Variants in SPEN observed in about 807,000 individuals in gnomAD.
SPEN encodes spen family transcriptional repressor.
A neutral mutation model predicts 269.9 loss-of-function variants in SPEN; 18 were observed. The ratio of observed to expected loss-of-function variants is 0.07; its 90% CI spans 0.05 to 0.10. The LOEUF (loss-of-function observed/expected upper bound fraction) is 0.10, where lower values mean the gene tolerates loss of function less well. Among genes scored for constraint, SPEN ranks in the 10% least tolerant of loss-of-function variants. The pLI, the probability that SPEN is intolerant of heterozygous loss-of-function variation, is 1.00. For synonymous variants in SPEN, 1,726 were observed against 1,765.7 expected (o/e 0.98, Z 0.56); for missense variants, 3,822 against 4,631.2 (o/e 0.83, Z 5.07).
chr1:15,903,665 TTGTTTA>T (rs1458196709), intron 3 of SPEN, among the ~76,000 whole-genome samples: 2 of 151,992 alleles, frequency 1.3e-5, no homozygotes, highest in African/African-American at 4.8e-5. Flanking sequence ...CAAATTGTTG[TTGTTTA>T]TGAAAAGACT....
chr1:15,870,477 T>C (rs2070562101), intron 1 of SPEN, among the ~76,000 whole-genome samples: 1 of 152,140 alleles, frequency 6.6e-6, no homozygotes. Context: ...ATAAAACGAC[T>C]CAGATGTGAT....
rs1279383940 is a variant in SPEN, at chr1:15,932,441, G to A, written c.6201G>A (p.Pro2067=). Reference sequence around the variant, plus strand: ...CTGTTGAAGTTGTAGAGAAAAAACCGGCCCCTGAAAAAAACTCCAAATCAA... The same window carrying A: ...CTGTTGAAGTTGTAGAGAAAAAACCAGCCCCTGAAAAAAACTCCAAATCAA... ...TAPVEVVEKK[P]APEKNSKSKR... Residue 2067 remains proline, a synonymous_variant, in exon 11 of 15, where the codon CCG becomes CCA. Coordinates refer to ENST00000375759, the MANE Select transcript of SPEN (RefSeq NM_015001.3). This position sits in a 1 kb window ranked among gnomAD's most constrained non-coding sequence, Gnocchi z 4.2. 8.1e-6 allele frequency: 13 copies of A among 1,613,030 alleles called. No individual in the cohort carries two copies. Among genetic ancestry groups the A allele is most frequent in the Admixed American group, 1.7e-5 (1 of 59,776 alleles).
chr1:15,911,836 C>G (rs1188315828), intron 5 of SPEN, among the ~76,000 whole-genome samples: 4 of 152,196 alleles, frequency 2.6e-5, no homozygotes, highest in Admixed American at 1.3e-4. Flanking sequence ...TGGCGCACGC[C>G]TGTAATCCCA....
rs1484538304 is a variant in SPEN at position 15,848,332 on chromosome 1, G to A, written c.83+182G>A. Among the ~76,000 whole-genome samples the A allele has an allele frequency of 1.3e-5, 2 of 151,136 alleles. No homozygotes were observed. The highest frequency in any genetic ancestry group is 3.0e-5 in the Non-Finnish European group (2 of 67,660). Reference sequence around the variant, plus strand: ...GCGGCGTTGGGCCTCGGGTGTCGGCGGTGCGGGCGGCCAAGCCGCGCCGCC... The same window carrying A: ...GCGGCGTTGGGCCTCGGGTGTCGGCAGTGCGGGCGGCCAAGCCGCGCCGCC... On this transcript the variant is annotated intron_variant, in intron 1 of 14. Transcript: ENST00000375759. This position sits in a 1 kb window ranked among gnomAD's most constrained non-coding sequence, Gnocchi z 5.1.
intron 3 of SPEN, among the ~76,000 whole-genome samples, chr1:15,881,683 A>C (rs2070688728): frequency 1.3e-5 from 2 of 152,272 alleles, no homozygotes; most frequent in African/African-American, 2.4e-5. Flanking sequence ...GCAAGTGTAC[A>C]GAAATAATCC....
rs1428549386 is a variant in SPEN, at chr1:15,939,595, A to G, written c.*168A>G. Reference sequence around the variant, plus strand: ...CGGCTCAGTCGGCCAGACTTCCTCTAGGAGTGGTGCTGCTACCTTGTATGT... The same window carrying G: ...CGGCTCAGTCGGCCAGACTTCCTCTGGGAGTGGTGCTGCTACCTTGTATGT... On this transcript the variant is annotated 3_prime_UTR_variant, in exon 15 of 15. Coordinates refer to ENST00000375759, the MANE Select transcript of SPEN (RefSeq NM_015001.3). This position sits in a 1 kb window ranked among gnomAD's most constrained non-coding sequence, Gnocchi z 4.1. 2 of 742,524 alleles carry G rather than the reference A, an allele frequency of 2.7e-6. No homozygotes were observed. Among genetic ancestry groups the G allele is most frequent in the East Asian group, 6.3e-5 (2 of 31,848 alleles). 46.0% of individuals were successfully genotyped at this position (742,524 alleles called of 1,614,324 possible).
In SPEN at chr1:15,937,912, C is replaced by T. The variant is rs764170487; in HGVS notation, c.10610C>T (p.Ser3537Phe). The T allele has an allele frequency of 1.2e-6, 2 of 1,614,218 alleles. No homozygotes were observed. The highest frequency in any genetic ancestry group is 1.3e-5 in the African/African-American group (1 of 75,078). ...GGCAACAACGTCCTGGCCCATCGGT[C>T]CCTGCCCCTTTCTGAAGGAGGGCCC... ...VSGNNVLAHR[S>F]LPLSEGGPPL... Residue 3537 changes from serine (S) to phenylalanine (F), a missense_variant, in exon 13 of 15, where the codon TCC becomes TTC. Around this residue, in one of 16 missense-constraint regions of SPEN, gnomAD observed 103 missense variants for 215.8 expected, o/e 0.48. Coordinates refer to ENST00000375759, the MANE Select transcript of SPEN (RefSeq NM_015001.3). The surrounding 1 kb of genome is among the most constrained non-coding windows in gnomAD (Gnocchi z 5.7).
At chr1:15,902,811 G>T (rs1371435613) in intron 3 of SPEN, among the ~76,000 whole-genome samples, 1 of 152,132 alleles carries the variant, frequency 6.6e-6, no homozygotes, top group Non-Finnish European at 1.5e-5. Flanking sequence ...GATGGTTAGG[G>T]AGATACCTGG....
Position 15,915,680 on chromosome 1 carries a change from G to A in SPEN, c.1244-448G>A, listed in dbSNP as rs537781265. Among the ~76,000 whole-genome samples the A allele has an allele frequency of 1.4e-3, 208 of 151,984 alleles. 1 individual carries two copies. The highest frequency in any genetic ancestry group is 2.4e-3 in the Non-Finnish European group (161 of 67,976). On this transcript the variant is annotated intron_variant, in intron 5 of 14. Coordinates refer to ENST00000375759, the MANE Select transcript of SPEN (RefSeq NM_015001.3). Reference sequence around the variant, plus strand: ...TTCCCAAATAGCTGAGAATACAGGCGTGCGCCACCATACTTGGCTAATTTT... The same window carrying A: ...TTCCCAAATAGCTGAGAATACAGGCATGCGCCACCATACTTGGCTAATTTT...
chr1:15,854,491 T>G (rs996788135), intron 1 of SPEN, among the ~76,000 whole-genome samples: 6 of 152,284 alleles, frequency 3.9e-5, no homozygotes, highest in East Asian at 3.9e-4. Context: ...TGTAGTTTTT[T>G]TTTGTTTGTT....
In SPEN at chr1:15,855,630, C is replaced by T. The variant is rs1012480388; in HGVS notation, c.83+7480C>T. Among the ~76,000 whole-genome samples the T allele has an allele frequency of 4.6e-5, 7 of 151,920 alleles. No individual in the cohort carries two copies. In the East Asian group the frequency reaches 5.8e-4, roughly 13 times the overall value. ...ATCCCAGCACTTTGGGAGGCTGAGG[C>T]GGGCGGGCGGATCATGAGGTCAGGA... On this transcript the variant is annotated intron_variant, in intron 1 of 14. Coordinates refer to ENST00000375759, the MANE Select transcript of SPEN (RefSeq NM_015001.3).
intron 1 of SPEN, among the ~76,000 whole-genome samples, chr1:15,868,766 T>A (rs2070543704): frequency 6.6e-6 from 1 of 152,220 alleles, no homozygotes; most frequent in Non-Finnish European, 1.5e-5. Context: ...TAATTTGTCA[T>A]TGTCATTTAG....
In SPEN at chr1:15,931,988, C is replaced by A. The variant is rs756808528; in HGVS notation, c.5748C>A (p.Asn1916Lys). The A allele has an allele frequency of 3.7e-6, 6 of 1,614,102 alleles. No homozygotes were observed. Among genetic ancestry groups the A allele is most frequent in the Non-Finnish European group, 5.1e-6 (6 of 1,180,054 alleles). Reference protein sequence around the residue: ...SVYATMGDHENRSPVKEPVEQ... With the variant: ...SVYATMGDHEKRSPVKEPVEQ... Reference sequence around the variant, plus strand: ...ATGCAACCATGGGTGACCATGAAAACCGCTCTCCTGTCAAAGAGCCCGTTG... The same window carrying A: ...ATGCAACCATGGGTGACCATGAAAAACGCTCTCCTGTCAAAGAGCCCGTTG... The change falls in exon 11 of 15, where the codon AAC becomes AAA. Residue 1916 changes from asparagine (N) to lysine (K), a missense_variant. Physicochemically the swap from Asn to Lys is moderately conservative, Grantham distance 94. Coordinates refer to ENST00000375759, the MANE Select transcript of SPEN (RefSeq NM_015001.3). The surrounding 1 kb of genome is among the most constrained non-coding windows in gnomAD (Gnocchi z 4.8).
chr1:15,911,170 A>T lies in SPEN; in HGVS notation c.1112A>T (p.His371Leu). 1 of 1,614,210 alleles carries T rather than the reference A, an allele frequency of 6.2e-7. No homozygotes were observed. The highest frequency in any genetic ancestry group is 8.5e-7 in the Non-Finnish European group (1 of 1,180,026). Residue 371 changes from histidine (H) to leucine (L), a missense_variant, in exon 5 of 15, where the codon CAT (histidine) becomes CTT (leucine). This residue lies in a region of SPEN where 230 missense variants were observed against 426.1 expected (regional missense o/e 0.54). Coordinates refer to ENST00000375759, the MANE Select transcript of SPEN (RefSeq NM_015001.3). ...GGAAAAGTAACTTCAGTGCAGATAC[A>T]TGGAACTTCAGAAGAGAGGTATGGT... is the stretch of plus-strand genomic sequence containing the variant. ...KFGKVTSVQIHGTSEERYGLV... is the reference protein window; with the variant it reads ...KFGKVTSVQILGTSEERYGLV...
At chr1:15,901,103 C>G (rs2070894630) in intron 3 of SPEN, among the ~76,000 whole-genome samples, 1 of 151,330 alleles carries the variant, frequency 6.6e-6, no homozygotes, top group South Asian at 2.1e-4. Context: ...GTAGTTCCAG[C>G]TTCTTCTAGG....
At position 15,928,665 on chromosome 1, in the gene SPEN, A is replaced by T. The variant is rs146274868; in HGVS notation, c.2425A>T (p.Ile809Leu). The T allele has an allele frequency of 2.5e-6, 4 of 1,614,002 alleles. No individual in the cohort carries two copies. In the African/African-American group the frequency reaches 5.3e-5, roughly 22 times the overall value. The part of the protein sequence containing the change: ...PERVERERRL[I>L]RKEKVEKDKT... ...GAGAGTGGAGAGAGAGAGACGCTTA[A>T]TACGGAAGGAAAAAGTGGAAAAGGA... Residue 809 changes from isoleucine to leucine, a missense_variant, in exon 11 of 15, where the codon ATA (isoleucine) becomes TTA (leucine). Around this residue, in one of 16 missense-constraint regions of SPEN, gnomAD observed 572 missense variants for 582.6 expected, o/e 0.98. Transcript: ENST00000375759. This position sits in a 1 kb window ranked among gnomAD's most constrained non-coding sequence, Gnocchi z 5.7.
chr1:15,848,312 G>A lies in SPEN; in HGVS notation c.83+162G>A, dbSNP rs1453179419. Among the ~76,000 whole-genome samples, 1 of 151,222 alleles carries A rather than the reference G, an allele frequency of 6.6e-6. No homozygotes were observed. The highest frequency in any genetic ancestry group is 2.4e-5 in the African/African-American group (1 of 41,308). ...TCAGCCGCTCGGCCCGCGTCGCGGCGTTGGGCCTCGGGTGTCGGCGGTGCG... is the reference window on the plus strand; with the variant it reads ...TCAGCCGCTCGGCCCGCGTCGCGGCATTGGGCCTCGGGTGTCGGCGGTGCG... On this transcript the variant is annotated intron_variant, in intron 1 of 14. Coordinates refer to ENST00000375759, the MANE Select transcript of SPEN (RefSeq NM_015001.3). This position sits in a 1 kb window ranked among gnomAD's most constrained non-coding sequence, Gnocchi z 5.1.
At chr1:15,926,359 C>T (rs758534920) in intron 10 of SPEN, among the ~76,000 whole-genome samples, 3 of 151,780 alleles carry the variant, frequency 2.0e-5, no homozygotes, top group East Asian at 1.9e-4. Flanking sequence ...GATTGTGCCA[C>T]TGCACTCCAG....
intron 3 of SPEN, among the ~76,000 whole-genome samples, chr1:15,881,812 T>C (rs2070689530): frequency 6.6e-6 from 1 of 152,222 alleles, no homozygotes; most frequent in Non-Finnish European, 1.5e-5. Context: ...TCAGTTTTCC[T>C]TTTGGAAGAA....
Sources: allele counts gnomAD v4.1 joint callset (sites outside exome capture counted in the v4.1 genomes callset), GRCh38; gene constraint gnomAD v4.1.1; regional missense constraint gnomAD v4.1.1; non-coding constraint Gnocchi (gnomAD v3.1); transcripts MANE v1.5; gene names NCBI Gene and HGNC (gene_info 2026-07-23, HGNC 2026-07-21).